The following ATP10A variants were observed in gnomAD, a reference collection of about 807,000 sequenced individuals.
ATP10A encodes ATPase phospholipid transporting 10A (putative), also known as phospholipid-transporting ATPase VA.
Under a neutral mutation model 147.8 loss-of-function variants are expected in ATP10A, and 111 were observed. That is an observed-to-expected ratio of 0.75 (90% CI 0.64 to 0.88). The LOEUF is 0.88. Among genes scored for constraint, ATP10A ranks in the 40% least tolerant of loss-of-function variants. ATP10A has a pLI of 0.00. For missense variants in ATP10A, 1,927 were observed against 1,959.0 expected (o/e 0.98, Z 0.31); for synonymous variants, 875 against 841.6 (o/e 1.04, Z -0.69).
intron 15 of ATP10A, among the ~76,000 whole-genome samples, chr15:25,690,866 C>T (rs1008998976): frequency 2.0e-5 from 3 of 152,138 alleles, no homozygotes; most frequent in African/African-American, 7.2e-5. Context: ...AGTCAGATGA[C>T]GGCGGGGGGA....
rs1038169662 is a variant in ATP10A at position 25,679,056 on chromosome 15, G to A, written c.*285C>T. On this transcript the variant is annotated 3_prime_UTR_variant, in exon 21 of 21. Coordinates refer to ENST00000555815, the MANE Select transcript of ATP10A (RefSeq NM_024490.4). ...TCACACATGTTGAAGAAAACAAATC[G>A]TACTGCTTGTTCTTAAAAATGAGAT... is the stretch of plus-strand genomic sequence containing the variant. The A allele has an allele frequency of 5.4e-5, 9 of 165,160 alleles. No individual in the cohort carries two copies. The highest frequency in any genetic ancestry group is 5.1e-4 in the Admixed American group (8 of 15,682). The allele number at this position is 165,160 out of a possible 1,614,324, so 10.2% of individuals were successfully genotyped here. A position where few individuals can be genotyped will look rare whatever the true frequency, so the allele number is the denominator to read the frequency against.
chr15:25,748,015 A>G (rs893889555), intron 2 of ATP10A, among the ~76,000 whole-genome samples: 13 of 151,242 alleles, frequency 8.6e-5, no homozygotes, highest in Non-Finnish European at 1.6e-4. Flanking sequence ...CCGAGGCTGG[A>G]GTACAGTGGC....
chr15:25,822,239 G>A (rs1234427441), intron 1 of ATP10A, among the ~76,000 whole-genome samples: 2 of 152,208 alleles, frequency 1.3e-5, no homozygotes, highest in Non-Finnish European at 2.9e-5. Flanking sequence ...CAGGGATGCA[G>A]AACCCATGGA....
intron 13 of ATP10A, among the ~76,000 whole-genome samples, chr15:25,699,948 TA>T (rs569360900): frequency 1.3e-5 from 2 of 151,896 alleles, no homozygotes; most frequent in East Asian, 1.9e-4. Flanking sequence ...AAGACAATAT[TA>T]AAAAATAAAG....
chr15:25,859,868 T>G (rs1893677996), intron 1 of ATP10A, among the ~76,000 whole-genome samples: 1 of 152,104 alleles, frequency 6.6e-6, no homozygotes, highest in South Asian at 2.1e-4. Context: ...AAGTCACTTC[T>G]GGGACAGTGG....
intron 1 of ATP10A, among the ~76,000 whole-genome samples, chr15:25,833,617 T>A (rs1222412662): frequency 6.6e-6 from 1 of 152,236 alleles, no homozygotes; most frequent in African/African-American, 2.4e-5. Context: ...TTCCATTTTT[T>A]CTTCCTCTCA....
chr15:25,813,081 G>A (rs991449396), intron 1 of ATP10A, among the ~76,000 whole-genome samples: 1 of 152,192 alleles, frequency 6.6e-6, no homozygotes, highest in Admixed American at 6.5e-5. Context: ...GCCCCAGAAG[G>A]AGAGCTCTAG....
At chr15:25,824,012 T>G (rs1321236883) in intron 1 of ATP10A, among the ~76,000 whole-genome samples, 1 of 152,166 alleles carries the variant, frequency 6.6e-6, no homozygotes, top group Non-Finnish European at 1.5e-5. Flanking sequence ...CATGCCTACA[T>G]GCCAGTTAAG....
chr15:25,714,143 G>C lies in ATP10A; in HGVS notation c.1875C>G (p.Ile625Met). The change falls in exon 10 of 21, where the codon ATC becomes ATG. Residue 625 changes from isoleucine to methionine, a missense_variant. Coordinates refer to ENST00000555815, the MANE Select transcript of ATP10A (RefSeq NM_024490.4). ...PSCLTSGCSS[I>M]GSLAANKSSH... ...TGGACTTGTTGGCGGCCAGGCTCCC[G>C]ATGCTGCTGCAGCCTGAGGTCAGGC... is the stretch of plus-strand genomic sequence containing the variant. 6.2e-7 allele frequency: 1 copy of C among 1,611,596 alleles called. No homozygotes were observed. Among genetic ancestry groups the C allele is most frequent in the Non-Finnish European group, 8.5e-7 (1 of 1,180,032 alleles).
chr15:25,743,225 G>GA (rs1596801100), intron 2 of ATP10A, among the ~76,000 whole-genome samples: 1 of 152,190 alleles, frequency 6.6e-6, no homozygotes, highest in Admixed American at 6.5e-5. Context: ...GGTCAGCTAA[G>GA]AAAAAACCTC....
At chr15:25,810,962 T>C (rs541684648) in intron 1 of ATP10A, among the ~76,000 whole-genome samples, 2 of 152,150 alleles carry the variant, frequency 1.3e-5, no homozygotes, top group African/African-American at 4.8e-5. Context: ...AGCAGAAGCC[T>C]AGCTTTACAT....
At chr15:25,738,569 T>G (rs1049900374) in intron 2 of ATP10A, 1 of 152,194 alleles carries the variant, frequency 6.6e-6, no homozygotes, top group African/African-American at 2.4e-5. Context: ...CTAAGCAGGG[T>G]CAGTACTTGG....
At chr15:25,718,509 A>G (rs1006505667) in intron 7 of ATP10A, 110 bp from the exon 8 acceptor site, 39 of 1,105,654 alleles carry the variant, frequency 3.5e-5, no homozygotes, top group Non-Finnish European at 5.1e-5. Flanking sequence ...GGGCAGCCCC[A>G]CAGGATTCAC....
At chr15:25,761,842 C>A (rs117197218) in intron 2 of ATP10A, among the ~76,000 whole-genome samples, 1 of 152,120 alleles carries the variant, frequency 6.6e-6, no homozygotes, top group Non-Finnish European at 1.5e-5. Flanking sequence ...AATGAGACTT[C>A]GGACTTGGAC....
intron 1 of ATP10A, among the ~76,000 whole-genome samples, chr15:25,799,138 G>A (rs1292935769): frequency 6.6e-6 from 1 of 152,130 alleles, no homozygotes; most frequent in Admixed American, 6.5e-5. Flanking sequence ...CATCCGAATG[G>A]TTACGGAACT....
intron 1 of ATP10A, among the ~76,000 whole-genome samples, chr15:25,833,801 T>A (rs1460571951): frequency 6.6e-6 from 1 of 152,058 alleles, no homozygotes; most frequent in Non-Finnish European, 1.5e-5. Flanking sequence ...TGAAACCCCA[T>A]CTCTACTAAA....
intron 1 of ATP10A, among the ~76,000 whole-genome samples, chr15:25,857,552 G>A (rs185096683): frequency 4.2e-4 from 64 of 152,266 alleles, no homozygotes; most frequent in African/African-American, 1.4e-3. Context: ...CAGGTGAAAC[G>A]TCATGATGTC....
intron 1 of ATP10A, among the ~76,000 whole-genome samples, chr15:25,833,189 G>T (rs1892437023): frequency 6.6e-6 from 1 of 152,020 alleles, no homozygotes; most frequent in Admixed American, 6.5e-5. Flanking sequence ...CACCATGTTG[G>T]CTGGGCTGGT....
intron 1 of ATP10A, among the ~76,000 whole-genome samples, chr15:25,820,134 A>G (rs1162347522): frequency 6.6e-6 from 1 of 152,210 alleles, no homozygotes; most frequent in Non-Finnish European, 1.5e-5. Flanking sequence ...ATACATATAG[A>G]TAAATAAAAA....
Sources: gnomAD v4.1 joint callset for allele counts (sites outside exome capture counted in the v4.1 genomes callset) on GRCh38, gnomAD v4.1.1 for gene constraint, MANE v1.5 for transcripts, NCBI Gene and HGNC (gene_info 2026-07-23, HGNC 2026-07-21) for gene names.